MORN4: variants seen among roughly 807,000 people sequenced by gnomAD.
MORN4 encodes MORN repeat containing 4, also known as MORN repeat-containing protein 4.
In MORN4, 8 loss-of-function variants were observed where a neutral mutation model predicts 16.4. That is an observed-to-expected ratio of 0.49 (90% confidence interval 0.29 to 0.88). The LOEUF (loss-of-function observed/expected upper bound fraction) is 0.88. Ranked by LOEUF, MORN4 falls within the 40% of genes least tolerant of loss-of-function variation. MORN4 has a pLI of 0.09. For missense variants in MORN4, 159 were observed against 182.9 expected (o/e 0.87, Z 0.75); for synonymous variants, 53 against 68.9 (o/e 0.77, Z 1.14).
At chr10:97,631,983 G>A (rs899561120) in intron 1 of MORN4, among the ~76,000 whole-genome samples, 10 of 151,956 alleles carry the variant, frequency 6.6e-5, no homozygotes, top group Admixed American at 2.0e-4. Flanking sequence ...AGGTTGGGGC[G>A]GTGGGGGAGA....
rs147515528 is a variant in MORN4, at chr10:97,616,307, G to T, written c.397C>A (p.Arg133=). 1.2e-6 allele frequency: 2 copies of T among 1,612,174 alleles called. No individual in the cohort carries two copies. Among genetic ancestry groups the T allele is most frequent in the South Asian group, 2.2e-5 (2 of 90,834 alleles). The change falls in exon 5 of 5, where the codon CGG becomes AGG. Residue 133 remains arginine (R), a synonymous_variant. Coordinates refer to ENST00000307450, the MANE Select transcript of MORN4 (RefSeq NM_178832.4). ...GCTGACTTGGAGGCGCTCTGGGCCC[G>T]CTGAACAATGGCAGAACACTTCTCA... ...RREKCSAIVQ[R]AQSASKSARN... is the part of the protein sequence containing the mutation.
chr10:97,629,670 G>A (rs1589924301), intron 1 of MORN4, among the ~76,000 whole-genome samples: 2 of 152,276 alleles, frequency 1.3e-5, no homozygotes, highest in East Asian at 3.9e-4. Context: ...TCCCATATCA[G>A]GGAGCAGAGA....
chr10:97,622,551 C>T (rs1002297517), intron 1 of MORN4, among the ~76,000 whole-genome samples: 2 of 151,614 alleles, frequency 1.3e-5, no homozygotes, highest in African/African-American at 2.4e-5. Flanking sequence ...AAAAATTAGC[C>T]GGGTGTGGTG....
At chr10:97,622,220 T>G (rs1444917287) in intron 1 of MORN4, among the ~76,000 whole-genome samples, 1 of 152,162 alleles carries the variant, frequency 6.6e-6, no homozygotes, top group Non-Finnish European at 1.5e-5. Flanking sequence ...GGTGGTGTGT[T>G]ATTACCCAGA....
chr10:97,629,813 C>T (rs952088680), intron 1 of MORN4, among the ~76,000 whole-genome samples: 1 of 152,002 alleles, frequency 6.6e-6, no homozygotes, highest in Non-Finnish European at 1.5e-5. Context: ...GGGTGGAGTA[C>T]AGTGGTGTGA....
rs2041228423 is a variant in MORN4 at position 97,615,462 on chromosome 10, C to T, written c.*801G>A. ...TAAAGGCTGAGCGTGGTGGCTCACG[C>T]CTGTAATCCCAGCACTTTGGGAGAC... On this transcript the variant is annotated 3_prime_UTR_variant, in exon 5 of 5. Transcript: ENST00000307450. 6.6e-6 allele frequency: 1 copy of T among 152,228 alleles called. No homozygotes were observed. The highest frequency in any genetic ancestry group is 6.5e-5 in the Admixed American group (1 of 15,278). 9.4% of individuals were successfully genotyped at this position (152,228 alleles called of 1,614,324 possible). A position where few individuals can be genotyped will look rare whatever the true frequency, so the allele number is the denominator to read the frequency against.
chr10:97,625,933 A>G (rs189828536), intron 1 of MORN4, among the ~76,000 whole-genome samples: 289 of 152,278 alleles, frequency 1.9e-3, no homozygotes, highest in Admixed American at 6.3e-3. Context: ...ATGCCCAACT[A>G]ACTTTTTTGT....
At chr10:97,620,315 C>A (rs1233917530) in intron 1 of MORN4, among the ~76,000 whole-genome samples, 1 of 151,198 alleles carries the variant, frequency 6.6e-6, no homozygotes, top group Non-Finnish European at 1.5e-5. Context: ...TGGTGAGACC[C>A]CGTCTCTACT....
chr10:97,622,795 A>G, intron 1 of MORN4, among the ~76,000 whole-genome samples: 1 of 151,650 alleles, frequency 6.6e-6, no homozygotes. Context: ...TTGATAGACT[A>G]AAAAATACAA....
At chr10:97,631,812 G>C (rs1322894276) in intron 1 of MORN4, among the ~76,000 whole-genome samples, 1 of 152,128 alleles carries the variant, frequency 6.6e-6, no homozygotes, top group African/African-American at 2.4e-5. Context: ...GTGCATGCCT[G>C]TAGTCCCAGC....
Position 97,633,004 on chromosome 10 carries a change from C to T in MORN4, c.-31+343G>A, listed in dbSNP as rs1326946442. On this transcript the variant is annotated intron_variant, in intron 1 of 4. Transcript: ENST00000307450. The surrounding 1 kb of genome is among the most constrained non-coding windows in gnomAD (Gnocchi z 4.5). ...CTAGACCACAACAAGGCAACACCTT[C>T]TCGCACCCCATTTTCACCTTCCAGG... is the stretch of plus-strand genomic sequence containing the variant. Among the ~76,000 whole-genome samples the T allele has an allele frequency of 2.0e-5, 3 of 152,276 alleles. No homozygotes were observed. The highest frequency in any genetic ancestry group is 7.2e-5 in the African/African-American group (3 of 41,552).
chr10:97,620,844 C>T (rs778053343), intron 1 of MORN4, among the ~76,000 whole-genome samples: 2 of 151,980 alleles, frequency 1.3e-5, no homozygotes, highest in Non-Finnish European at 2.9e-5. Flanking sequence ...AAAAATAGGC[C>T]GGGCGTGGTA....
intron 1 of MORN4, among the ~76,000 whole-genome samples, chr10:97,629,599 C>T (rs2041377298): frequency 6.6e-6 from 1 of 152,152 alleles, no homozygotes; most frequent in Admixed American, 6.5e-5. Context: ...TCCCACGTAC[C>T]AGGCATCAGT....
At chr10:97,629,844 C>T (rs1282724530) in intron 1 of MORN4, among the ~76,000 whole-genome samples, 4 of 150,874 alleles carry the variant, frequency 2.7e-5, no homozygotes, top group Non-Finnish European at 5.9e-5. Flanking sequence ...CTGCAAGCTC[C>T]GCCTCCCGGG....
rs558033825 is a variant in MORN4 at position 97,616,573 on chromosome 10, G to A, written c.292+105C>T. On this transcript the variant is annotated intron_variant, in intron 4 of 4. Coordinates refer to ENST00000307450, the MANE Select transcript of MORN4 (RefSeq NM_178832.4). ...AGTTCAATGGATAGGTGTCAGGGACGGCCACTATGGATTGCTGGACACCCG... is the reference window on the plus strand; with the variant it reads ...AGTTCAATGGATAGGTGTCAGGGACAGCCACTATGGATTGCTGGACACCCG... 6.8e-5 allele frequency: 83 copies of A among 1,227,178 alleles called. No homozygotes were observed. In the African/African-American group the frequency reaches 9.2e-4, roughly 14 times the overall value. 76.0% of individuals were successfully genotyped at this position (1,227,178 alleles called of 1,614,324 possible).
At chr10:97,631,802 G>A (rs977340719) in intron 1 of MORN4, among the ~76,000 whole-genome samples, 1 of 152,228 alleles carries the variant, frequency 6.6e-6, no homozygotes, top group South Asian at 2.1e-4. Flanking sequence ...GGGTGTGGTG[G>A]TGCATGCCTG....
Position 97,616,492 on chromosome 10 carries a change from G to A in MORN4, c.293-81C>T, listed in dbSNP as rs2041237557. On this transcript the variant is annotated intron_variant, in intron 4 of 4. Coordinates refer to ENST00000307450, the MANE Select transcript of MORN4 (RefSeq NM_178832.4). ...TGAGACATATCTTTGGCCTTGATAT[G>A]TCCAGGCCAAAGAAGAGAAAAACTC... 5 of 1,470,140 alleles carry A rather than the reference G, an allele frequency of 3.4e-6. No homozygotes were observed. The East Asian group carries it at 9.1e-5, about 27-fold the overall frequency. The allele number at this position is 1,470,140 out of a possible 1,614,324, so 91.1% of individuals were successfully genotyped here.
At chr10:97,629,015 C>T (rs1372184359) in intron 1 of MORN4, among the ~76,000 whole-genome samples, 1 of 152,146 alleles carries the variant, frequency 6.6e-6, no homozygotes, top group Non-Finnish European at 1.5e-5. Flanking sequence ...GCCATTGATC[C>T]ATTAAAAGGT....
rs1360885443 is a variant in MORN4, at chr10:97,615,761, A to C, written c.*502T>G. The stretch of plus-strand genomic sequence containing the variant: ...AAAATAATAATAATAATAATAAAAA[A>C]ATTAAAAAAGAAAAGCTCTGGCCTT... On this transcript the variant is annotated 3_prime_UTR_variant, in exon 5 of 5. Transcript: ENST00000307450. 1 of 151,622 alleles carries C rather than the reference A, an allele frequency of 6.6e-6. No individual in the cohort carries two copies. Among genetic ancestry groups the C allele is most frequent in the Non-Finnish European group, 1.5e-5 (1 of 67,934 alleles). The allele number at this position is 151,622 out of a possible 1,614,324, so 9.4% of individuals were successfully genotyped here. A position where few individuals can be genotyped will look rare whatever the true frequency, so the allele number is the denominator to read the frequency against.
Sources: gnomAD v4.1 joint callset for allele counts (sites outside exome capture counted in the v4.1 genomes callset) on GRCh38, gnomAD v4.1.1 for gene constraint, Gnocchi (gnomAD v3.1) non-coding constraint, MANE v1.5 for transcripts, NCBI Gene and HGNC (gene_info 2026-07-23, HGNC 2026-07-21) for gene names.